The following CAMK2D variants were observed in gnomAD, a reference collection of about 807,000 sequenced individuals.
CAMK2D encodes calcium/calmodulin-dependent protein kinase type II subunit delta.
A neutral mutation model predicts 84.0 loss-of-function variants in CAMK2D; 37 were observed. That is an observed-to-expected ratio of 0.44 (90% confidence interval 0.34 to 0.58). The LOEUF (loss-of-function observed/expected upper bound fraction) is 0.58. Among genes scored for constraint, CAMK2D ranks in the 20% least tolerant of loss-of-function variants. The pLI is 0.02. For synonymous variants in CAMK2D, 202 were observed against 212.5 expected (o/e 0.95, Z 0.43); for missense variants, 448 against 652.5 (o/e 0.69, Z 3.41).
chr4:113,658,783 C>T (rs1367937854), intron 3 of CAMK2D, among the ~76,000 whole-genome samples: 1 of 152,192 alleles, frequency 6.6e-6, no homozygotes, highest in Admixed American at 6.5e-5. Context: ...TTTAATCCAT[C>T]TATGACTTAT....
chr4:113,493,456 T>C (rs928475057), intron 16 of CAMK2D, among the ~76,000 whole-genome samples: 126 of 152,178 alleles, frequency 8.3e-4, no homozygotes, highest in Non-Finnish European at 1.6e-3. Flanking sequence ...TCTTTAAGAA[T>C]GTTGAATATT....
intron 15 of CAMK2D, among the ~76,000 whole-genome samples, chr4:113,500,949 G>A (rs1271403185): frequency 2.6e-5 from 4 of 151,972 alleles, no homozygotes; most frequent in Middle Eastern, 3.2e-3. Flanking sequence ...CCTTCTTTGC[G>A]TCAGGCACTA....
At chr4:113,505,194 G>A (rs376037509) in intron 13 of CAMK2D, among the ~76,000 whole-genome samples, 159 bp from the exon 14 acceptor site, 31 of 152,254 alleles carry the variant, frequency 2.0e-4, no homozygotes, top group Admixed American at 6.5e-4. Flanking sequence ...AATGATGATC[G>A]CTAGTCTCCG....
chr4:113,609,057 A>G (rs1252342399), intron 4 of CAMK2D, 95 bp downstream of exon 4: 6 of 656,008 alleles, frequency 9.1e-6, no homozygotes, highest in Admixed American at 6.9e-5. Context: ...ATATTGTAGC[A>G]GTCAGTAATT....
intron 16 of CAMK2D, 85 bp downstream of exon 16, chr4:113,500,378 C>G: frequency 2.8e-6 from 2 of 713,014 alleles, no homozygotes; most frequent in Non-Finnish European, 4.7e-6. Context: ...ACTTCCTAAA[C>G]TTATTAGTTA....
At position 113,479,531 on chromosome 4, in the gene CAMK2D, G is replaced by C. The variant is rs185913582; in HGVS notation, c.1136-13927C>G. On this transcript the variant is annotated intron_variant, in intron 16 of 20. Coordinates refer to ENST00000511664, the MANE Select transcript of CAMK2D (RefSeq NM_001321571.2). Reference sequence around the variant, plus strand: ...TTATATGGTACTATGGAGGCCAAAAGTAGTGAACTAAAATACTTTAATTGT... The same window carrying C: ...TTATATGGTACTATGGAGGCCAAAACTAGTGAACTAAAATACTTTAATTGT... 2.0e-5 allele frequency among the ~76,000 whole-genome samples: 3 copies of C among 152,278 alleles called. No individual in the cohort carries two copies. In the East Asian group the frequency reaches 5.8e-4, roughly 29 times the overall value.
intron 3 of CAMK2D, among the ~76,000 whole-genome samples, chr4:113,621,519 T>C (rs985544522): frequency 1.3e-5 from 2 of 152,188 alleles, no homozygotes; most frequent in Non-Finnish European, 2.9e-5. Context: ...TTTACGTCTA[T>C]ATTCTTGACT....
At chr4:113,564,786 A>G (rs1014731970) in intron 4 of CAMK2D, among the ~76,000 whole-genome samples, 2 of 152,224 alleles carry the variant, frequency 1.3e-5, no homozygotes, top group African/African-American at 4.8e-5. Context: ...TAAAACTCCT[A>G]TTCTTCTAGT....
chr4:113,552,148 G>T, intron 4 of CAMK2D, 52 bp from the exon 5 acceptor site: 1 of 994,744 alleles, frequency 1.0e-6, no homozygotes. Context: ...AAAAAAATAA[G>T]CATCAATAGA....
rs140192052 is a variant in CAMK2D, at chr4:113,637,454, G to A, written c.220+24259C>T. Among the ~76,000 whole-genome samples the A allele has an allele frequency of 5.5e-4, 84 of 152,284 alleles. 1 individual carries two copies. The highest frequency in any genetic ancestry group is 3.4e-3 in the Middle Eastern group (1 of 294). On this transcript the variant is annotated intron_variant, in intron 3 of 20. Coordinates refer to ENST00000511664, the MANE Select transcript of CAMK2D (RefSeq NM_001321571.2). ...TGGAATAAGAAAGTTGAGTGAGTGAGTCTAAGAGGGAGTTAAAGTCCCATT... is the reference window on the plus strand; with the variant it reads ...TGGAATAAGAAAGTTGAGTGAGTGAATCTAAGAGGGAGTTAAAGTCCCATT...
At chr4:113,480,777 G>A (rs919646446) in intron 16 of CAMK2D, among the ~76,000 whole-genome samples, 1 of 152,056 alleles carries the variant, frequency 6.6e-6, no homozygotes, top group Non-Finnish European at 1.5e-5. Flanking sequence ...GCAGGCGGAG[G>A]TTGCAGTGAG....
At chr4:113,620,994 G>C (rs1037718941) in intron 3 of CAMK2D, among the ~76,000 whole-genome samples, 2 of 151,996 alleles carry the variant, frequency 1.3e-5, no homozygotes, top group South Asian at 4.1e-4. Flanking sequence ...GCAGTGGTGT[G>C]GTCAAGGCTC....
chr4:113,681,313 CATG>C (rs1228646351), intron 2 of CAMK2D, among the ~76,000 whole-genome samples: 3 of 151,996 alleles, frequency 2.0e-5, no homozygotes, highest in Non-Finnish European at 4.4e-5. Context: ...TGGTTACCCC[CATG>C]ATGTCATGAT....
chr4:113,475,462 AT>A, intron 16 of CAMK2D, among the ~76,000 whole-genome samples: 1 of 152,352 alleles, frequency 6.6e-6, no homozygotes, highest in South Asian at 2.1e-4. Context: ...TGCATCCATA[AT>A]TATTGAACTC....
At chr4:113,732,466 C>T (rs2099571356) in intron 2 of CAMK2D, among the ~76,000 whole-genome samples, 2 of 152,148 alleles carry the variant, frequency 1.3e-5, no homozygotes, top group Admixed American at 6.5e-5. Flanking sequence ...TGCCACATGA[C>T]AGCAGTGGTG....
At chr4:113,574,050 A>G (rs934617578) in intron 4 of CAMK2D, among the ~76,000 whole-genome samples, 9 of 152,166 alleles carry the variant, frequency 5.9e-5, no homozygotes. Context: ...ATTTTAATCT[A>G]CATTCTTATA....
At chr4:113,479,784 C>CA (rs1447629826) in intron 16 of CAMK2D, among the ~76,000 whole-genome samples, 5 of 152,130 alleles carry the variant, frequency 3.3e-5, no homozygotes, top group African/African-American at 1.2e-4. Flanking sequence ...AAAACACACA[C>CA]ACAGTTCTCT....
At chr4:113,755,479 A>G (rs538345501) in intron 2 of CAMK2D, among the ~76,000 whole-genome samples, 7 of 152,060 alleles carry the variant, frequency 4.6e-5, no homozygotes, top group Admixed American at 6.5e-5. Context: ...TATATTTTAC[A>G]AAAACAGTGA....
At chr4:113,724,278 T>C (rs1473317093) in intron 2 of CAMK2D, among the ~76,000 whole-genome samples, 1 of 152,068 alleles carries the variant, frequency 6.6e-6, no homozygotes, top group Non-Finnish European at 1.5e-5. Context: ...TTTAAAATTA[T>C]ACTTTTTTTC....
Sources: allele counts gnomAD v4.1 joint callset (sites outside exome capture counted in the v4.1 genomes callset), GRCh38; gene constraint gnomAD v4.1.1; transcripts MANE v1.5; gene names NCBI Gene and HGNC (gene_info 2026-07-23, HGNC 2026-07-21).